LGR6: variants seen among roughly 807,000 people sequenced by gnomAD.
The protein encoded by LGR6 is leucine-rich repeat-containing G protein-coupled receptor 6.
LGR6 carries 45 observed loss-of-function variants against 69.4 expected under a neutral mutation model. The ratio of observed to expected loss-of-function variants is 0.65; its 90% CI spans 0.51 to 0.83. The LOEUF is 0.83. Among genes scored for constraint, LGR6 ranks in the 40% least tolerant of loss-of-function variants. LGR6 has a pLI of 0.00. For missense variants in LGR6, 1,108 were observed against 1,246.7 expected, an observed-to-expected ratio of 0.89 and a Z score of 1.68; for synonymous variants, 538 against 555.0, an observed-to-expected ratio of 0.97 and a Z score of 0.43.
chr1:202,319,396 T>G lies in LGR6; in HGVS notation c.*189T>G, dbSNP rs1654454631. The G allele has an allele frequency of 5.0e-6, 3 of 599,428 alleles. No homozygotes were observed. Among genetic ancestry groups the G allele is most frequent in the Non-Finnish European group, 8.3e-6 (3 of 360,448 alleles). 37.1% of individuals were successfully genotyped at this position (599,428 alleles called of 1,614,324 possible). A position where few individuals can be genotyped will look rare whatever the true frequency, so the allele number is the denominator to read the frequency against. ...ACCAACGGGTGCCTCTTGGCCTGGCTTTCCCTTGGCCTTCCTCAGCTTCAC... is the reference window on the plus strand; with the variant it reads ...ACCAACGGGTGCCTCTTGGCCTGGCGTTCCCTTGGCCTTCCTCAGCTTCAC... On this transcript the variant is annotated 3_prime_UTR_variant, in exon 18 of 18. Coordinates refer to ENST00000367278, the MANE Select transcript of LGR6 (RefSeq NM_001017403.2).
At chr1:202,207,287 G>A (rs568714869) in intron 1 of LGR6, among the ~76,000 whole-genome samples, 19 of 152,256 alleles carry the variant, frequency 1.2e-4, no homozygotes, top group African/African-American at 4.3e-4. Context: ...GAGAGGAAGG[G>A]GTCTCCCTCT....
intron 3 of LGR6, among the ~76,000 whole-genome samples, chr1:202,229,233 G>A (rs985128047): frequency 7.2e-5 from 11 of 152,024 alleles, no homozygotes; most frequent in African/African-American, 2.7e-4. Flanking sequence ...GGGCTCTCTG[G>A]TCTCTATCTT....
At chr1:202,197,693 C>T (rs1401537488) in intron 1 of LGR6, among the ~76,000 whole-genome samples, 8 of 152,076 alleles carry the variant, frequency 5.3e-5, no homozygotes, top group Non-Finnish European at 7.4e-5. Context: ...CATGTGAGCA[C>T]GAAAACCCAA....
intron 4 of LGR6, among the ~76,000 whole-genome samples, chr1:202,241,148 G>T (rs116350119): frequency 6.6e-6 from 1 of 152,160 alleles, no homozygotes; most frequent in African/African-American, 2.4e-5. Context: ...TTCCCAAGGC[G>T]TACCAGCAAA....
At chr1:202,204,766 T>A (rs1204437229) in intron 1 of LGR6, among the ~76,000 whole-genome samples, 6 of 938 alleles carry the variant, frequency 6.4e-3, no homozygotes, top group Non-Finnish European at 9.5e-3. Context: ...CACACACCCC[T>A]CCTTCAAACA....
chr1:202,241,621 C>T (rs1662212506), intron 4 of LGR6, among the ~76,000 whole-genome samples: 1 of 151,194 alleles, frequency 6.6e-6, no homozygotes, highest in Admixed American at 6.6e-5. Context: ...CAAGAGAAAC[C>T]ACAGGAAGCC....
At chr1:202,316,009 A>G (rs1654113613) in intron 17 of LGR6, among the ~76,000 whole-genome samples, 1 of 152,250 alleles carries the variant, frequency 6.6e-6, no homozygotes, top group Non-Finnish European at 1.5e-5. Context: ...TAATTATGGT[A>G]CATTTTATGG....
Position 202,318,333 on chromosome 1 carries a change from A to G in LGR6, c.2030A>G (p.Tyr677Cys), listed in dbSNP as rs1448685636. 1.3e-6 allele frequency: 2 copies of G among 1,596,170 alleles called. No individual in the cohort carries two copies. Among genetic ancestry groups the G allele is most frequent in the African/African-American group, 2.7e-5 (2 of 74,664 alleles). Residue 677 changes from tyrosine (Y) to cysteine (C), a missense_variant, in exon 18 of 18, where the codon TAT becomes TGT. By Grantham distance (194) the Tyr-to-Cys change is radical. Coordinates refer to ENST00000367278, the MANE Select transcript of LGR6 (RefSeq NM_001017403.2). Reference protein sequence around the residue: ...CSVSVSCVRAYGKSPSLGSVR... With the variant: ...CSVSVSCVRACGKSPSLGSVR... Reference sequence around the variant, plus strand: ...GTCTCCGTCTCCTGTGTCCGGGCCTATGGGAAGTCCCCCTCCCTGGGCAGC... The same window carrying G: ...GTCTCCGTCTCCTGTGTCCGGGCCTGTGGGAAGTCCCCCTCCCTGGGCAGC...
intron 4 of LGR6, 86 bp downstream of exon 4, chr1:202,236,079 T>G: frequency 8.8e-7 from 1 of 1,136,862 alleles, no homozygotes. Context: ...AGCTTTCCCT[T>G]CCCTCTGCAG....
chr1:202,273,476 A>C (rs1303356350), intron 4 of LGR6, among the ~76,000 whole-genome samples: 1 of 138,156 alleles, frequency 7.2e-6, no homozygotes, highest in Non-Finnish European at 1.6e-5. Context: ...TTTTTTTTTG[A>C]GATGGAGTTT....
chr1:202,269,754 G>A (rs530348847), intron 4 of LGR6, among the ~76,000 whole-genome samples: 1 of 152,286 alleles, frequency 6.6e-6, no homozygotes, highest in Admixed American at 6.5e-5. Context: ...GACCCAAGTC[G>A]TGGCTGACCT....
At chr1:202,206,303 G>A (rs1348927212) in intron 1 of LGR6, among the ~76,000 whole-genome samples, 5 of 152,210 alleles carry the variant, frequency 3.3e-5, no homozygotes, top group Non-Finnish European at 4.4e-5. Context: ...ACAGGACCTG[G>A]GCTCCCACCC....
rs1471009366 is a variant in LGR6, at chr1:202,261,950, ATTTG to A, written c.429-14351_429-14348del. Among the ~76,000 whole-genome samples the A allele has an allele frequency of 1.5e-4, 23 of 152,094 alleles. No individual in the cohort carries two copies. The South Asian group carries it at 4.8e-3, about 32-fold the overall frequency. On this transcript the variant is annotated intron_variant, in intron 4 of 17. Transcript: ENST00000367278. ...GGGGTTGTTTGTTTTTTTCTTGTAA[ATTTG>A]TTTGAGTTCATTGTAAATTCTGGAT... is the stretch of plus-strand genomic sequence containing the variant.
At chr1:202,269,512 T>TA (rs1476897690) in intron 4 of LGR6, among the ~76,000 whole-genome samples, 6 of 152,188 alleles carry the variant, frequency 3.9e-5, no homozygotes, top group Non-Finnish European at 5.9e-5. Flanking sequence ...TGGCTGGAGA[T>TA]ACTTTCTTAG....
chr1:202,194,466 C>T, intron 1 of LGR6: 1 of 621,338 alleles, frequency 1.6e-6, no homozygotes. Flanking sequence ...GGAGCCCAGG[C>T]TTGGCGAGGT....
At chr1:202,273,479 T>C (rs957648926) in intron 4 of LGR6, among the ~76,000 whole-genome samples, 4 of 151,006 alleles carry the variant, frequency 2.6e-5, no homozygotes, top group Non-Finnish European at 5.9e-5. Flanking sequence ...TTTTTTGAGA[T>C]GGAGTTTCGC....
At chr1:202,315,400 C>G (rs1175801234) in intron 17 of LGR6, among the ~76,000 whole-genome samples, 1 of 152,198 alleles carries the variant, frequency 6.6e-6, no homozygotes, top group African/African-American at 2.4e-5. Flanking sequence ...CCATCTAACG[C>G]TTATAGTTGC....
chr1:202,194,098 G>GC lies in LGR6; in HGVS notation c.114dup (p.Cys39LeufsTer16). The GC allele has an allele frequency of 6.5e-7, 1 of 1,537,980 alleles. No homozygotes were observed. The highest frequency in any genetic ancestry group is 8.7e-7 in the Non-Finnish European group (1 of 1,151,882). On this transcript the variant is annotated frameshift_variant, in exon 1 of 18. Coordinates refer to ENST00000367278, the MANE Select transcript of LGR6 (RefSeq NM_001017403.2). LOFTEE classifies it high-confidence loss of function. ...CGGCCCGGGGCCCACCGCCTGCCCG[G>GC]CCCCCTGCCACTGCCAGGAGGACGG...
chr1:202,276,225 G>T, intron 4 of LGR6, 81 bp from the exon 5 acceptor site: 1 of 1,173,054 alleles, frequency 8.5e-7, no homozygotes, highest in African/African-American at 1.5e-5. Flanking sequence ...CCTGTTGAGG[G>T]CCTGGCTGGC....
Sources: gnomAD v4.1 joint callset for allele counts (sites outside exome capture counted in the v4.1 genomes callset) on GRCh38, gnomAD v4.1.1 for gene constraint, MANE v1.5 for transcripts, NCBI Gene and HGNC (gene_info 2026-07-23, HGNC 2026-07-21) for gene names.